KANSL1L: variants seen among roughly 807,000 people sequenced by gnomAD.
The protein encoded by KANSL1L is KAT8 regulatory NSL complex subunit 1-like protein.
In KANSL1L, 25 loss-of-function variants were observed where a neutral mutation model predicts 108.6. The ratio of observed to expected loss-of-function variants is 0.23; its 90% confidence interval spans 0.17 to 0.32. The LOEUF is 0.32. Among genes scored for constraint, KANSL1L ranks in the 10% least tolerant of loss-of-function variants. The pLI is 1.00. For missense variants in KANSL1L, 1,137 were observed against 1,125.7 expected (o/e 1.01, Z -0.14); for synonymous variants, 405 against 395.1 (o/e 1.03, Z -0.30).
intron 2 of KANSL1L, among the ~76,000 whole-genome samples, chr2:210,138,257 C>T (rs745838933): frequency 1.3e-5 from 2 of 150,492 alleles, no homozygotes; most frequent in Non-Finnish European, 3.0e-5. Flanking sequence ...TAAGTGGGGG[C>T]TAAATATTGG....
chr2:210,160,689 T>C lies in KANSL1L; in HGVS notation c.-29-6078A>G, dbSNP rs190279430. ...AAGACCTAAATAGTGCATTACACTA[T>C]GTTCACAGATAAAACTATTCAATAT... On this transcript the variant is annotated intron_variant, in intron 1 of 14. Transcript: ENST00000281772. 5.9e-5 allele frequency among the ~76,000 whole-genome samples: 9 copies of C among 152,358 alleles called. No individual in the cohort carries two copies. In the East Asian group the frequency reaches 1.5e-3, roughly 26 times the overall value.
chr2:210,097,170 C>T (rs559732929), intron 5 of KANSL1L: 2 of 719,550 alleles, frequency 2.8e-6, no homozygotes, highest in South Asian at 1.3e-4. Context: ...ATCTCGAACT[C>T]CTGAGCTCAT....
intron 6 of KANSL1L, among the ~76,000 whole-genome samples, chr2:210,049,689 G>A (rs2094267914): frequency 6.6e-6 from 1 of 152,134 alleles, no homozygotes; most frequent in African/African-American, 2.4e-5. Flanking sequence ...AGACATTATA[G>A]TGTTTCTCAA....
chr2:210,079,638 A>ATGTATGTG (rs1406763180), intron 5 of KANSL1L, among the ~76,000 whole-genome samples: 3 of 7,858 alleles, frequency 3.8e-4, no homozygotes, highest in African/African-American at 4.8e-4. Context: ...ATATATATAT[A>ATGTATGTG]TATATATATA....
chr2:210,167,304 T>C (rs1167022178), intron 1 of KANSL1L, among the ~76,000 whole-genome samples: 1 of 152,080 alleles, frequency 6.6e-6, no homozygotes, highest in Non-Finnish European at 1.5e-5. Context: ...TATTCAATGA[T>C]GTTTTATAAG....
rs374437104 is a variant in KANSL1L, at chr2:210,074,095, A to C, written c.1755+1457T>G. 6.6e-5 allele frequency among the ~76,000 whole-genome samples: 10 copies of C among 152,208 alleles called. No individual in the cohort carries two copies. The East Asian group carries it at 7.7e-4, about 12-fold the overall frequency. On this transcript the variant is annotated intron_variant, in intron 6 of 14. Transcript: ENST00000281772. ...TATACCATTCTGGGCATGTCAAGGA[A>C]GGCTTCCTGAGAGAAATGACATTTA...
At chr2:210,093,578 CA>C (rs936968860) in intron 5 of KANSL1L, among the ~76,000 whole-genome samples, 8 of 152,060 alleles carry the variant, frequency 5.3e-5, no homozygotes, top group African/African-American at 1.4e-4. Flanking sequence ...AATTTAGCCT[CA>C]AAAAAAGCAG....
intron 7 of KANSL1L, 196 bp downstream of exon 7, chr2:210,043,743 C>G: frequency 2.5e-6 from 1 of 395,558 alleles, no homozygotes; most frequent in Non-Finnish European, 4.4e-6. Flanking sequence ...AATCAACTTA[C>G]ACAGATAGAA....
intron 1 of KANSL1L, among the ~76,000 whole-genome samples, chr2:210,168,003 A>G (rs1056131023): frequency 1.3e-5 from 2 of 152,086 alleles, no homozygotes; most frequent in African/African-American, 4.8e-5. Flanking sequence ...TGGAAATTAT[A>G]TATCTTCCTT....
In KANSL1L at chr2:210,098,132, A is replaced by C; in HGVS notation, c.1504T>G (p.Ser502Ala). 1 of 1,611,856 alleles carries C rather than the reference A, an allele frequency of 6.2e-7. No individual in the cohort carries two copies. Among genetic ancestry groups the C allele is most frequent in the Non-Finnish European group, 8.5e-7 (1 of 1,178,896 alleles). The change falls in exon 5 of 15, where the codon TCC (serine) becomes GCC (alanine). Residue 502 changes from serine (S) to alanine (A), a missense_variant. Around this residue, in one of 3 missense-constraint regions of KANSL1L, gnomAD observed 575 missense variants for 567.1 expected, o/e 1.01. Transcript: ENST00000281772. ...AGACATTTATGGCTACAGGATTTGG[A>C]AGAGAGGGGTGATGAAGTTGGGGAC... ...NLSPTSSPLS[S>A]KSCSHKCLAN...
intron 8 of KANSL1L, among the ~76,000 whole-genome samples, chr2:210,037,978 G>A (rs1033440956): frequency 2.0e-5 from 3 of 151,880 alleles, no homozygotes; most frequent in Non-Finnish European, 4.4e-5. Context: ...ATTTCTACAC[G>A]ACTATAATTT....
chr2:210,024,503 G>A (rs758541884), intron 13 of KANSL1L, among the ~76,000 whole-genome samples: 1 of 152,082 alleles, frequency 6.6e-6, no homozygotes, highest in Non-Finnish European at 1.5e-5. Flanking sequence ...CTTAACTAAA[G>A]TGACTACCAG....
intron 1 of KANSL1L, among the ~76,000 whole-genome samples, chr2:210,157,162 T>C (rs375912812): frequency 5.1e-4 from 77 of 152,272 alleles, no homozygotes; most frequent in African/African-American, 1.7e-3. Flanking sequence ...TAGTATTTAG[T>C]GTCTACATTG....
intron 11 of KANSL1L, 112 bp from the exon 12 acceptor site, chr2:210,027,462 ATTG>A (rs2093953827): frequency 1.5e-6 from 1 of 683,418 alleles, no homozygotes; most frequent in Non-Finnish European, 2.6e-6. Context: ...CATGGTTCAA[ATTG>A]TTGTATTTTA....
intron 13 of KANSL1L, among the ~76,000 whole-genome samples, chr2:210,024,898 T>C (rs1270069018): frequency 1.3e-5 from 2 of 152,178 alleles, no homozygotes; most frequent in Admixed American, 1.3e-4. Flanking sequence ...GAGAGGAAAA[T>C]ACAGAAACTA....
At chr2:210,135,340 G>A (rs145730633) in intron 2 of KANSL1L, among the ~76,000 whole-genome samples, 178 of 152,224 alleles carry the variant, frequency 1.2e-3, no homozygotes, top group African/African-American at 3.9e-3. Flanking sequence ...CATTTGGGTA[G>A]CCAAAGAGGC....
intron 8 of KANSL1L, chr2:210,032,785 G>T (rs1471034961): frequency 6.6e-6 from 1 of 152,174 alleles, no homozygotes; most frequent in African/African-American, 2.4e-5. Context: ...GATGAGTATA[G>T]AAAACTCCAA....
intron 3 of KANSL1L, 152 bp downstream of exon 3, chr2:210,128,879 T>C (rs2095093235): frequency 7.1e-6 from 4 of 565,300 alleles, no homozygotes; most frequent in South Asian, 3.4e-5. Flanking sequence ...ATTACAAAAA[T>C]AGCTTCAATT....
chr2:210,129,937 TG>T (rs1332881857), intron 2 of KANSL1L, among the ~76,000 whole-genome samples: 1 of 147,046 alleles, frequency 6.8e-6, no homozygotes, highest in East Asian at 2.0e-4. Context: ...GAAAAATTAT[TG>T]GGGATTACGG....
Sources: gnomAD v4.1 joint callset for allele counts (sites outside exome capture counted in the v4.1 genomes callset) on GRCh38, gnomAD v4.1.1 for gene constraint, gnomAD v4.1.1 regional missense constraint, MANE v1.5 for transcripts, NCBI Gene and HGNC (gene_info 2026-07-23, HGNC 2026-07-21) for gene names.